The following FIGNL2 variants were observed in gnomAD, a reference collection of about 807,000 sequenced individuals.
FIGNL2 encodes the protein fidgetin like 2.
For missense variants in FIGNL2, 1,060 were observed against 950.2 expected (o/e 1.12, Z -1.52); for synonymous variants, 565 against 484.0 (o/e 1.17, Z -2.20).
At chr12:51,837,223 C>T (rs1939593271) in intron 1 of FIGNL2, among the ~76,000 whole-genome samples, 1 of 152,092 alleles carries the variant, frequency 6.6e-6, no homozygotes, top group South Asian at 2.1e-4. Flanking sequence ...CATAAAATCC[C>T]AATTTACACA....
chr12:51,831,419 T>C (rs1450644983), intron 1 of FIGNL2, among the ~76,000 whole-genome samples: 1 of 152,154 alleles, frequency 6.6e-6, no homozygotes. Context: ...GCACCCCAGT[T>C]AAGCAGGTAT....
chr12:51,831,051 C>T (rs1033581418), intron 1 of FIGNL2, among the ~76,000 whole-genome samples: 1 of 152,108 alleles, frequency 6.6e-6, no homozygotes, highest in Non-Finnish European at 1.5e-5. Flanking sequence ...CAGCCCACCC[C>T]CTCAGCCTCC....
intron 1 of FIGNL2, among the ~76,000 whole-genome samples, chr12:51,825,073 A>G (rs1292675563): frequency 6.6e-6 from 1 of 152,034 alleles, no homozygotes; most frequent in East Asian, 1.9e-4. Flanking sequence ...AAAGTTACAC[A>G]AATGCAAGTA....
At chr12:51,833,117 G>C (rs940180908) in intron 1 of FIGNL2, among the ~76,000 whole-genome samples, 1 of 151,928 alleles carries the variant, frequency 6.6e-6, no homozygotes, top group South Asian at 2.1e-4. Flanking sequence ...GCGTGATCAC[G>C]GCTCACTGCA....
In FIGNL2 at chr12:51,822,470, A is replaced by G. The variant is rs1199125560; in HGVS notation, c.-11-46T>C. The G allele has an allele frequency of 3.1e-6, 5 of 1,601,180 alleles. No homozygotes were observed. In the African/African-American group the frequency reaches 6.7e-5, roughly 21 times the overall value. On this transcript the variant is annotated intron_variant, in intron 1 of 1. Coordinates refer to ENST00000618634, the MANE Select transcript of FIGNL2 (RefSeq NM_001384995.1). Reference sequence around the variant, plus strand: ...GTCTGGTGAGGTCTAGCCACCGAGGACCCAGTGGGCCACTGCTAGCCATAG... The same window carrying G: ...GTCTGGTGAGGTCTAGCCACCGAGGGCCCAGTGGGCCACTGCTAGCCATAG...
At chr12:51,837,553 C>T (rs1939598967) in intron 1 of FIGNL2, among the ~76,000 whole-genome samples, 1 of 152,214 alleles carries the variant, frequency 6.6e-6, no homozygotes, top group Non-Finnish European at 1.5e-5. Flanking sequence ...GCCGCCAGGC[C>T]CGACTGCAAC....
At chr12:51,845,981 A>G (rs1325287908) in intron 1 of FIGNL2, among the ~76,000 whole-genome samples, 3 of 152,136 alleles carry the variant, frequency 2.0e-5, no homozygotes, top group South Asian at 4.1e-4. Flanking sequence ...AATAAGGGAA[A>G]GGGAGAGGAG....
Position 51,821,602 on chromosome 12 carries a change from T to G in FIGNL2, c.812A>C (p.Asp271Ala). 1 of 1,505,712 alleles carries G rather than the reference T, an allele frequency of 6.6e-7. No homozygotes were observed. Among genetic ancestry groups the G allele is most frequent in the Non-Finnish European group, 8.8e-7 (1 of 1,133,246 alleles). The allele number at this position is 1,505,712 out of a possible 1,614,324, so 93.3% of individuals were successfully genotyped here. Residue 271 changes from aspartate to alanine, a missense_variant, in exon 2 of 2, where the codon GAC becomes GCC. Coordinates refer to ENST00000618634, the MANE Select transcript of FIGNL2 (RefSeq NM_001384995.1). ...SGLSLKRKAA[D>A]EGPEGRYRKY... ...GCGGTAGCGGCCCTCGGGCCCCTCG[T>G]CGGCGGCCTTGCGCTTCAGCGACAG...
In FIGNL2 at chr12:51,848,603, C is replaced by T. The variant is rs566295289; in HGVS notation, c.-75G>A. On this transcript the variant is annotated 5_prime_UTR_variant, in exon 1 of 2. Coordinates refer to ENST00000618634, the MANE Select transcript of FIGNL2 (RefSeq NM_001384995.1). Reference sequence around the variant, plus strand: ...CCTGGGGGCGCGTCCGGCCCGGGGACCGGGGCGGCGGCGCGGGCCGGGGGC... The same window carrying T: ...CCTGGGGGCGCGTCCGGCCCGGGGATCGGGGCGGCGGCGCGGGCCGGGGGC... The T allele has an allele frequency of 3.2e-6, 3 of 933,630 alleles. No individual in the cohort carries two copies. The highest frequency in any genetic ancestry group is 3.8e-6 in the Non-Finnish European group (3 of 783,366). The allele number at this position is 933,630 out of a possible 1,614,324, so 57.8% of individuals were successfully genotyped here.
At chr12:51,847,867 T>TC (rs1454510969) in intron 1 of FIGNL2, 1 of 973,130 alleles carries the variant, frequency 1.0e-6, no homozygotes, top group Non-Finnish European at 1.2e-6. Context: ...GCTCCGGGGG[T>TC]CCCCCTTGTT....
At chr12:51,842,798 G>A (rs1939684554) in intron 1 of FIGNL2, among the ~76,000 whole-genome samples, 1 of 152,190 alleles carries the variant, frequency 6.6e-6, no homozygotes, top group Admixed American at 6.5e-5. Context: ...CAGCTCACAT[G>A]CCCTATGTGG....
In FIGNL2 at chr12:51,848,674, G is replaced by GCTA; in HGVS notation, c.-147_-146insTAG. Reference sequence around the variant, plus strand: ...CAGTGGCGCTCACCATCCTGGAGCCGCTGCTGCTGCGGCTGCTGCGGCCGC... The same window carrying GCTA: ...CAGTGGCGCTCACCATCCTGGAGCCGCTACTGCTGCTGCGGCTGCTGCGGCCGC... On this transcript the variant is annotated 5_prime_UTR_variant, in exon 1 of 2. Transcript: ENST00000618634. The GCTA allele has an allele frequency of 2.5e-6, 1 of 407,606 alleles. No individual in the cohort carries two copies. The highest frequency in any genetic ancestry group is 2.2e-5 in the African/African-American group (1 of 46,196). 25.2% of individuals were successfully genotyped at this position (407,606 alleles called of 1,614,324 possible).
intron 1 of FIGNL2, chr12:51,847,498 C>T (rs950190860): frequency 7.1e-6 from 7 of 985,480 alleles, no homozygotes; most frequent in South Asian, 4.7e-5. Context: ...TCCATGGAGA[C>T]AGGGCCGGCA....
At chr12:51,831,521 C>T (rs1239329338) in intron 1 of FIGNL2, among the ~76,000 whole-genome samples, 4 of 152,228 alleles carry the variant, frequency 2.6e-5, no homozygotes, top group East Asian at 1.9e-4. Context: ...AGCAGATCTC[C>T]TCCCACTTCC....
At chr12:51,836,646 G>A (rs1939583396) in intron 1 of FIGNL2, among the ~76,000 whole-genome samples, 1 of 152,106 alleles carries the variant, frequency 6.6e-6, no homozygotes, top group Admixed American at 6.5e-5. Context: ...AGTTAGAAAT[G>A]CAGTCACTCT....
Position 51,844,753 on chromosome 12 carries a change from C to T in FIGNL2, c.-12+3787G>A, listed in dbSNP as rs1040641223. The T allele has an allele frequency of 2.6e-5, 26 of 985,246 alleles. No homozygotes were observed. In the African/African-American group the frequency reaches 4.2e-4, roughly 16 times the overall value. The allele number at this position is 985,246 out of a possible 1,614,324, so 61.0% of individuals were successfully genotyped here. A position where few individuals can be genotyped will look rare whatever the true frequency, so the allele number is the denominator to read the frequency against. ...GGACCCTAAAAAAAAAGCTGGACAGCCTCTCTCCAAGCCACATAGTCAGAG... is the reference window on the plus strand; with the variant it reads ...GGACCCTAAAAAAAAAGCTGGACAGTCTCTCTCCAAGCCACATAGTCAGAG... On this transcript the variant is annotated intron_variant, in intron 1 of 1. Coordinates refer to ENST00000618634, the MANE Select transcript of FIGNL2 (RefSeq NM_001384995.1).
At chr12:51,848,098 G>T (rs1051324765) in intron 1 of FIGNL2, 1 of 933,742 alleles carries the variant, frequency 1.1e-6, no homozygotes. Flanking sequence ...CACACACACA[G>T]GGGCCGCTGG....
At chr12:51,829,780 A>G (rs879542546) in intron 1 of FIGNL2, among the ~76,000 whole-genome samples, 2 of 151,330 alleles carry the variant, frequency 1.3e-5, no homozygotes, top group Non-Finnish European at 1.5e-5. Flanking sequence ...AAGGGAAGAG[A>G]GGAAAAAAGA....
intron 1 of FIGNL2, 69 bp downstream of exon 1, chr12:51,848,471 A>G: frequency 1.0e-6 from 1 of 982,038 alleles, no homozygotes; most frequent in Non-Finnish European, 1.2e-6. Context: ...CCGGCGGACA[A>G]AGCTCCGGAC....
Sources: gnomAD v4.1 joint callset for allele counts (sites outside exome capture counted in the v4.1 genomes callset) on GRCh38, gnomAD v4.1.1 for gene constraint, MANE v1.5 for transcripts, NCBI Gene and HGNC (gene_info 2026-07-23, HGNC 2026-07-21) for gene names.